Variants in MLIP observed in about 807,000 individuals in gnomAD.
MLIP encodes muscular LMNA interacting protein.
A neutral mutation model predicts 84.8 loss-of-function variants in MLIP; 79 were observed. The observed-to-expected ratio is 0.93, with a 90% CI of 0.78 to 1.12. The LOEUF (loss-of-function observed/expected upper bound fraction) is 1.12, where lower values mean the gene tolerates loss of function less well. MLIP is among the 50% of genes most tolerant of loss of function. The pLI is 0.00. For synonymous variants in MLIP, 504 were observed against 463.0 expected (o/e 1.09, Z -1.14); for missense variants, 1,257 against 1,160.6 (o/e 1.08, Z -1.21).
Position 54,083,448 on chromosome 6 carries a change from A to G in MLIP, c.64-37999A>G, listed in dbSNP as rs1033741888. 24 of 1,517,818 alleles carry G rather than the reference A, an allele frequency of 1.6e-5. No homozygotes were observed. In the African/African-American group the frequency reaches 2.7e-4, roughly 17 times the overall value. 94.0% of individuals were successfully genotyped at this position (1,517,818 alleles called of 1,614,324 possible). A position where few individuals can be genotyped will look rare whatever the true frequency, so the allele number is the denominator to read the frequency against. ...GGCATAATTTGTACAGTGCTTTGTC[A>G]TCTTTGCAGCTCATCAATATCAGCA... On this transcript the variant is annotated intron_variant, in intron 1 of 12. Transcript: ENST00000274897.
intron 1 of MLIP, among the ~76,000 whole-genome samples, chr6:54,024,124 T>C (rs1435428467): frequency 2.0e-5 from 3 of 152,248 alleles, no homozygotes; most frequent in Non-Finnish European, 4.4e-5. Context: ...GCGATTCTGC[T>C]GCTTCAGCCT....
At chr6:54,133,081 G>A (rs933012777) in intron 3 of MLIP, among the ~76,000 whole-genome samples, 6 of 152,112 alleles carry the variant, frequency 3.9e-5, no homozygotes, top group Non-Finnish European at 7.3e-5. Context: ...ATTGAACAAA[G>A]TATTACTGAA....
intron 11 of MLIP, among the ~76,000 whole-genome samples, chr6:54,219,347 CTT>C (rs201127323): frequency 8.9e-6 from 1 of 112,318 alleles, no homozygotes; most frequent in South Asian, 2.7e-4. Flanking sequence ...GATTTTTTTT[CTT>C]TTTTTTTTTT....
rs557672616 is a variant in MLIP at position 54,245,344 on chromosome 6, T to C, written c.2923-11964T>C. ...CAGTTCAAGGCCAGCCTTGACTTAA[T>C]TCATAGGGAGAAGGCTCTAGAGAAT... On this transcript the variant is annotated intron_variant, in intron 12 of 13. Transcript: ENST00000502396. Among the ~76,000 whole-genome samples the C allele has an allele frequency of 6.0e-4, 91 of 152,294 alleles. 1 individual carries two copies. Among genetic ancestry groups the C allele is most frequent in the Non-Finnish European group, 9.7e-4 (66 of 68,024 alleles).
intron 4 of MLIP, among the ~76,000 whole-genome samples, chr6:54,138,642 TTC>T (rs1165177898): frequency 2.0e-5 from 3 of 152,192 alleles, no homozygotes; most frequent in African/African-American, 7.2e-5. Context: ...TATGATATGT[TTC>T]TGATTGTTTA....
chr6:54,225,684 C>T (rs1284390095), intron 11 of MLIP, among the ~76,000 whole-genome samples: 1 of 152,128 alleles, frequency 6.6e-6, no homozygotes, highest in South Asian at 2.1e-4. Flanking sequence ...AGTGCTGTGT[C>T]CTCACCAAGT....
chr6:54,074,539 A>G (rs967190700), intron 1 of MLIP, among the ~76,000 whole-genome samples: 2 of 152,202 alleles, frequency 1.3e-5, no homozygotes, highest in Non-Finnish European at 2.9e-5. Context: ...GAAGGTCAGC[A>G]AATAAGTGAA....
At chr6:54,076,497 GA>G (rs1766812259) in intron 1 of MLIP, among the ~76,000 whole-genome samples, 1 of 152,192 alleles carries the variant, frequency 6.6e-6, no homozygotes, top group African/African-American at 2.4e-5. Flanking sequence ...GTTTCTGAAG[GA>G]AAGTGCATGT....
intron 9 of MLIP, among the ~76,000 whole-genome samples, chr6:54,171,919 T>C (rs916954015): frequency 4.6e-5 from 7 of 151,568 alleles, no homozygotes; most frequent in African/African-American, 1.7e-4. Context: ...TCTTCAAACT[T>C]TGGAGAAAGT....
chr6:54,173,418 C>G (rs1393239407), intron 9 of MLIP, among the ~76,000 whole-genome samples: 1 of 151,778 alleles, frequency 6.6e-6, no homozygotes, highest in East Asian at 1.9e-4. Flanking sequence ...CATATTTGGT[C>G]ATATTAACAT....
intron 4 of MLIP, among the ~76,000 whole-genome samples, chr6:54,140,219 CA>C (rs1772173912): frequency 6.6e-6 from 1 of 152,002 alleles, no homozygotes; most frequent in South Asian, 2.1e-4. Context: ...GAAGCTTTTT[CA>C]AAGCATTTCT....
intron 8 of MLIP, among the ~76,000 whole-genome samples, chr6:54,162,866 A>G (rs994068408): frequency 9.9e-5 from 15 of 152,000 alleles, no homozygotes; most frequent in African/African-American, 3.6e-4. Flanking sequence ...AGTTCCAAGG[A>G]ACATAACATC....
chr6:54,038,326 G>A (rs969370936), intron 1 of MLIP, among the ~76,000 whole-genome samples: 1 of 151,890 alleles, frequency 6.6e-6, no homozygotes, highest in African/African-American at 2.4e-5. Context: ...TCATTCCTGA[G>A]GTTCTCTAGG....
chr6:54,108,961 C>T (rs1245235196), upstream of MLIP, among the ~76,000 whole-genome samples: 2 of 151,866 alleles, frequency 1.3e-5, no homozygotes, highest in Non-Finnish European at 2.9e-5. Flanking sequence ...GAGAACCACA[C>T]TAGAACTTTG....
intron 5 of MLIP, among the ~76,000 whole-genome samples, chr6:54,153,706 A>G (rs2150537139): frequency 6.6e-6 from 1 of 151,878 alleles, no homozygotes; most frequent in East Asian, 1.9e-4. Flanking sequence ...AAAAAATTTA[A>G]CTGGGTATGG....
At chr6:54,091,837 A>G (rs1767894658) in intron 1 of MLIP, among the ~76,000 whole-genome samples, 2 of 152,304 alleles carry the variant, frequency 1.3e-5, no homozygotes, top group South Asian at 2.1e-4. Context: ...CCATTTAAAC[A>G]TTCTTATTTA....
chr6:54,264,679 G>GA (rs1351711359), intron 13 of MLIP, among the ~76,000 whole-genome samples: 4 of 152,004 alleles, frequency 2.6e-5, no homozygotes, highest in Non-Finnish European at 5.9e-5. Context: ...GGTGCTTTCA[G>GA]AAAAAGCAAA....
At chr6:54,063,169 T>G (rs1270673432) in intron 1 of MLIP, 1 of 151,386 alleles carries the variant, frequency 6.6e-6, no homozygotes, top group Non-Finnish European at 1.5e-5. Context: ...GTCATTGCTT[T>G]CCAGCCTGGA....
At chr6:54,217,060 G>A in intron 11 of MLIP, 1 of 985,428 alleles carries the variant, frequency 1.0e-6, no homozygotes, top group Non-Finnish European at 1.2e-6. Flanking sequence ...AATAAATGCT[G>A]CATTTAAAAA....
Sources: allele counts gnomAD v4.1 joint callset (sites outside exome capture counted in the v4.1 genomes callset), GRCh38; gene constraint gnomAD v4.1.1; transcripts MANE v1.5; gene names NCBI Gene and HGNC (gene_info 2026-07-23, HGNC 2026-07-21).